The following DLGAP4 variants were observed in gnomAD, a reference collection of about 807,000 sequenced individuals.
DLGAP4 encodes the protein disks large-associated protein 4.
In DLGAP4, 18 loss-of-function variants were observed where a neutral mutation model predicts 86.9. The ratio of observed to expected loss-of-function variants is 0.21; its 90% CI spans 0.14 to 0.31. The LOEUF is 0.31. Among genes scored for constraint, DLGAP4 ranks in the 10% least tolerant of loss-of-function variants. The pLI, the probability that DLGAP4 is intolerant of heterozygous loss-of-function variation, is 1.00. For missense variants in DLGAP4, 1,085 were observed against 1,362.6 expected, an observed-to-expected ratio of 0.80 and a Z score of 3.21; for synonymous variants, 548 against 574.3, an observed-to-expected ratio of 0.95 and a Z score of 0.65.
chr20:36,340,620 G>T (rs2065369962), intron 1 of DLGAP4, among the ~76,000 whole-genome samples: 1 of 152,116 alleles, frequency 6.6e-6, no homozygotes, highest in Non-Finnish European at 1.5e-5. Flanking sequence ...CAGATCAGCG[G>T]CATTAGTTGT....
intron 1 of DLGAP4, among the ~76,000 whole-genome samples, chr20:36,342,456 C>T (rs532300217): frequency 1.3e-5 from 2 of 152,280 alleles, no homozygotes; most frequent in South Asian, 4.1e-4. Context: ...AGGTTCCCAG[C>T]CTTGAAGGCC....
intron 2 of DLGAP4, among the ~76,000 whole-genome samples, chr20:36,417,336 G>C (rs1032145755): frequency 2.0e-5 from 3 of 152,036 alleles, no homozygotes; most frequent in South Asian, 2.1e-4. Context: ...GCATGGCTTT[G>C]GTGGGCTGAG....
chr20:36,361,617 C>T lies in DLGAP4; in HGVS notation c.-303-5428C>T, dbSNP rs78436671. ...GAACAAGAGATGGTACTGGCCCGGACGGGGGCGACTCTGGGGGATCAAGGG... is the reference window on the plus strand; with the variant it reads ...GAACAAGAGATGGTACTGGCCCGGATGGGGGCGACTCTGGGGGATCAAGGG... On this transcript the variant is annotated intron_variant, in intron 1 of 12. Transcript: ENST00000339266. Among the ~76,000 whole-genome samples, 66 of 152,020 alleles carry T rather than the reference C, an allele frequency of 4.3e-4. No homozygotes were observed. The East Asian group carries it at 8.7e-3, about 20-fold the overall frequency.
At chr20:36,501,540 G>A (rs151158712) in intron 10 of DLGAP4, among the ~76,000 whole-genome samples, 101 of 152,294 alleles carry the variant, frequency 6.6e-4, no homozygotes, top group African/African-American at 2.4e-3. Context: ...CACGTGTAGG[G>A]AGCCTAGATT....
At chr20:36,429,398 C>CTTTT (rs151254062) in intron 2 of DLGAP4, among the ~76,000 whole-genome samples, 14 of 76,044 alleles carry the variant, frequency 1.8e-4, no homozygotes, top group Non-Finnish European at 2.2e-4. Context: ...TTCTTTTTTT[C>CTTTT]TTTTTTTTTT....
intron 2 of DLGAP4, among the ~76,000 whole-genome samples, chr20:36,387,698 T>C (rs1305684326): frequency 2.0e-5 from 3 of 152,374 alleles, no homozygotes; most frequent in Admixed American, 2.0e-4. Flanking sequence ...AATAGGGATC[T>C]GATTTCATTT....
intron 1 of DLGAP4, among the ~76,000 whole-genome samples, chr20:36,338,573 AAAAC>A (rs563482183): frequency 4.6e-5 from 7 of 152,160 alleles, no homozygotes; most frequent in East Asian, 3.9e-4. Flanking sequence ...ACTCCATCTC[AAAAC>A]AAACAAACAA....
intron 10 of DLGAP4, among the ~76,000 whole-genome samples, chr20:36,505,077 T>G (rs980615869): frequency 5.3e-5 from 8 of 151,972 alleles, no homozygotes; most frequent in African/African-American, 1.9e-4. Context: ...AACCTCCGCC[T>G]GCTGGGTTCA....
chr20:36,436,111 G>T lies in DLGAP4; in HGVS notation c.1002G>T (p.Val334=). The part of the protein sequence containing the change: ...HQGLAYHYLQ[V]PGGGGEWSTT... ...TGAGTCCTGTGCCCCATCCCCAGGT[G>T]CCCGGCGGCGGCGGCGAGTGGAGCA... is the stretch of plus-strand genomic sequence containing the variant. The change falls in exon 4 of 13, where the codon GTG becomes GTT. Residue 334 remains valine (V), a splice_region_variant and synonymous_variant. Transcript: ENST00000339266. 1 of 1,567,952 alleles carries T rather than the reference G, an allele frequency of 6.4e-7. No individual in the cohort carries two copies.
Position 36,461,650 on chromosome 20 carries a change from CG to C in DLGAP4, c.1648+14718del, listed in dbSNP as rs1202052532. 1,713 of 662,530 alleles carry C rather than the reference CG, an allele frequency of 2.6e-3. 13 individuals are homozygous for C. The highest frequency in any genetic ancestry group is 9.0e-3 in the Admixed American group (17 of 1,888). The allele number at this position is 662,530 out of a possible 1,614,324, so 41.0% of individuals were successfully genotyped here. A position where few individuals can be genotyped will look rare whatever the true frequency, so the allele number is the denominator to read the frequency against. ...GAGCAGCCGCGGCCCCGCGAGGAGA[CG>C]GGGGCCGCCCCGCCCGGCCCGGCCC... is the stretch of plus-strand genomic sequence containing the variant. On this transcript the variant is annotated intron_variant, in intron 7 of 12. Coordinates refer to ENST00000339266, the MANE Select transcript of DLGAP4 (RefSeq NM_001365621.2).
Position 36,339,986 on chromosome 20 carries a change from C to T in DLGAP4, c.-303-27059C>T, listed in dbSNP as rs1022817599. Among the ~76,000 whole-genome samples the T allele has an allele frequency of 9.9e-5, 15 of 152,260 alleles. No individual in the cohort carries two copies. In the South Asian group the frequency reaches 1.7e-3, roughly 17 times the overall value. On this transcript the variant is annotated intron_variant, in intron 1 of 12. Coordinates refer to ENST00000339266, the MANE Select transcript of DLGAP4 (RefSeq NM_001365621.2). Reference sequence around the variant, plus strand: ...GTTGGGGGAGTGAGGCTAAGGCAGCCGCAGAGCGGGGAAGGAGAGGAGCCT... The same window carrying T: ...GTTGGGGGAGTGAGGCTAAGGCAGCTGCAGAGCGGGGAAGGAGAGGAGCCT...
At chr20:36,394,682 C>T (rs1196055432) in intron 2 of DLGAP4, among the ~76,000 whole-genome samples, 1 of 151,036 alleles carries the variant, frequency 6.6e-6, no homozygotes, top group Non-Finnish European at 1.5e-5. Context: ...CTGCCTCTGC[C>T]ACCCTTTCCG....
intron 2 of DLGAP4, among the ~76,000 whole-genome samples, chr20:36,379,871 CAGA>C (rs1321734722): frequency 6.6e-6 from 1 of 152,162 alleles, no homozygotes; most frequent in African/African-American, 2.4e-5. Context: ...TATAAATACC[CAGA>C]AGATTATTAT....
chr20:36,404,990 C>A (rs924378759), intron 2 of DLGAP4, among the ~76,000 whole-genome samples: 1 of 152,100 alleles, frequency 6.6e-6, no homozygotes, highest in African/African-American at 2.4e-5. Flanking sequence ...GTGCGCTGGG[C>A]CTTGCTGCAG....
chr20:36,361,834 C>T (rs555477908), intron 1 of DLGAP4, among the ~76,000 whole-genome samples: 2 of 151,568 alleles, frequency 1.3e-5, no homozygotes, highest in Admixed American at 6.6e-5. Flanking sequence ...AAATTATTAG[C>T]GGAGCGTGGT....
At chr20:36,437,221 T>C (rs942928536) in intron 4 of DLGAP4, among the ~76,000 whole-genome samples, 26 of 152,164 alleles carry the variant, frequency 1.7e-4, no homozygotes, top group Admixed American at 6.5e-5. Context: ...GCCCGGCCAA[T>C]TGGAGAACTA....
chr20:36,413,413 CTTTT>C (rs71184094), intron 2 of DLGAP4, among the ~76,000 whole-genome samples: 1 of 71,010 alleles, frequency 1.4e-5, no homozygotes, highest in Non-Finnish European at 2.5e-5. Flanking sequence ...TTGTTCTGGA[CTTTT>C]TTTTTTTTTT....
intron 2 of DLGAP4, among the ~76,000 whole-genome samples, chr20:36,397,752 A>C (rs1367726187): frequency 6.6e-6 from 1 of 152,170 alleles, no homozygotes; most frequent in Non-Finnish European, 1.5e-5. Context: ...TTTCAAACGT[A>C]TGGGTAATTT....
intron 10 of DLGAP4, chr20:36,508,419 G>GTTTTTTTT (rs1569523131): frequency 5.2e-5 from 7 of 134,600 alleles, no homozygotes; most frequent in African/African-American, 2.1e-4. Context: ...ATGTTTCAGG[G>GTTTTTTTT]TTCTTTTTTT....
Sources: gnomAD v4.1 joint callset for allele counts (sites outside exome capture counted in the v4.1 genomes callset) on GRCh38, gnomAD v4.1.1 for gene constraint, MANE v1.5 for transcripts, NCBI Gene and HGNC (gene_info 2026-07-23, HGNC 2026-07-21) for gene names.